Variants in ADAMTSL1 observed in about 807,000 individuals in gnomAD.
ADAMTSL1 encodes the protein ADAMTS like 1.
In ADAMTSL1, 126 loss-of-function variants were observed where a neutral mutation model predicts 201.8. That is an observed-to-expected ratio of 0.62 (90% CI 0.54 to 0.72). The LOEUF (loss-of-function observed/expected upper bound fraction) is 0.72. Among genes scored for constraint, ADAMTSL1 ranks in the 30% least tolerant of loss-of-function variants. ADAMTSL1 has a pLI of 0.00. For synonymous variants in ADAMTSL1, 1,121 were observed against 903.4 expected, an observed-to-expected ratio of 1.24 and a Z score of -4.32; for missense variants, 2,679 against 2,277.8, an observed-to-expected ratio of 1.18 and a Z score of -3.59.
At chr9:18,116,745 T>C (rs1203587846) in intron 1 of ADAMTSL1, among the ~76,000 whole-genome samples, 2 of 152,246 alleles carry the variant, frequency 1.3e-5, no homozygotes, top group East Asian at 3.8e-4. Context: ...CTTTAAGTTT[T>C]AGGGTACATG....
chr9:17,996,737 C>T (rs867529426), intron 1 of ADAMTSL1, among the ~76,000 whole-genome samples: 1 of 152,142 alleles, frequency 6.6e-6, no homozygotes, highest in African/African-American at 2.4e-5. Context: ...TCTTCTAGAT[C>T]TTTGTGCTCC....
At chr9:18,629,233 C>T (rs1826586356) in intron 5 of ADAMTSL1, among the ~76,000 whole-genome samples, 1 of 148,126 alleles carries the variant, frequency 6.8e-6, no homozygotes, top group Non-Finnish European at 1.5e-5. Flanking sequence ...ATTTGTAAGC[C>T]ACTTTTTTTT....
chr9:18,171,482 A>G (rs1433084183), intron 2 of ADAMTSL1, among the ~76,000 whole-genome samples: 1 of 152,134 alleles, frequency 6.6e-6, no homozygotes, highest in Non-Finnish European at 1.5e-5. Context: ...TAAACAAGGT[A>G]AAAGGACAAG....
intron 23 of ADAMTSL1, among the ~76,000 whole-genome samples, chr9:18,843,428 T>C (rs1202039701): frequency 6.6e-6 from 1 of 150,968 alleles, no homozygotes; most frequent in African/African-American, 2.5e-5. Flanking sequence ...GGGCTTCCCT[T>C]TGTGGGTAAC....
At chr9:18,899,907 A>C (rs1370949866) in intron 26 of ADAMTSL1, among the ~76,000 whole-genome samples, 1 of 152,260 alleles carries the variant, frequency 6.6e-6, no homozygotes, top group African/African-American at 2.4e-5. Context: ...TAGATGCCAA[A>C]AGCAATTGCA....
At chr9:18,489,790 A>G (rs1309641270) in intron 1 of ADAMTSL1, among the ~76,000 whole-genome samples, 2 of 152,190 alleles carry the variant, frequency 1.3e-5, no homozygotes, top group Non-Finnish European at 1.5e-5. Context: ...CGACTTACCC[A>G]ACTGTATACC....
At chr9:18,314,852 A>G (rs1387397450) in intron 2 of ADAMTSL1, among the ~76,000 whole-genome samples, 1 of 116,208 alleles carries the variant, frequency 8.6e-6, no homozygotes, top group Non-Finnish European at 1.6e-5. Flanking sequence ...GCTGGAGTGC[A>G]GTGGCGCGAT....
At chr9:18,901,198 C>CAAGA (rs774409578) in intron 26 of ADAMTSL1, among the ~76,000 whole-genome samples, 22 of 150,638 alleles carry the variant, frequency 1.5e-4, no homozygotes, top group Non-Finnish European at 2.8e-4. Context: ...AACTATTAAC[C>CAAGA]AAGAATTATC....
At chr9:18,061,968 T>C (rs1822477761) in intron 1 of ADAMTSL1, among the ~76,000 whole-genome samples, 1 of 152,216 alleles carries the variant, frequency 6.6e-6, no homozygotes, top group Admixed American at 6.5e-5. Context: ...TGTTTTGTCA[T>C]TTACTTGGAG....
chr9:18,677,360 T>C (rs945687061), intron 10 of ADAMTSL1, among the ~76,000 whole-genome samples: 1 of 152,016 alleles, frequency 6.6e-6, no homozygotes, highest in Non-Finnish European at 1.5e-5. Flanking sequence ...GAAAAAATAA[T>C]GAAATAGCAA....
chr9:18,040,545 A>G (rs1432469468), intron 1 of ADAMTSL1, among the ~76,000 whole-genome samples: 1 of 152,222 alleles, frequency 6.6e-6, no homozygotes, highest in African/African-American at 2.4e-5. Flanking sequence ...TGTGCATAGT[A>G]GAGCTTGAGC....
At chr9:18,818,210 C>G (rs945971163) in intron 21 of ADAMTSL1, among the ~76,000 whole-genome samples, 3 of 152,120 alleles carry the variant, frequency 2.0e-5, no homozygotes, top group Admixed American at 2.0e-4. Context: ...GGCAACTAGT[C>G]TTCTGATTGC....
chr9:18,817,178 T>G lies in ADAMTSL1; in HGVS notation c.3875T>G (p.Ile1292Arg). The G allele has an allele frequency of 6.3e-7, 1 of 1,583,724 alleles. No individual in the cohort carries two copies. The highest frequency in any genetic ancestry group is 8.6e-7 in the Non-Finnish European group (1 of 1,164,136). ...NTEKPAVTVD[I>R]GSTIKTVQGV... ...GAGAAGCCTGCAGTCACAGTCGATA[T>G]AGGAAGCACCATCAAAACAGTGCAG... The change falls in exon 21 of 29, where the codon ATA becomes AGA. Residue 1292 changes from isoleucine (I) to arginine (R), a missense_variant. Transcript: ENST00000380548.
intron 2 of ADAMTSL1, among the ~76,000 whole-genome samples, chr9:18,359,157 G>T (rs922014073): frequency 6.6e-6 from 1 of 152,018 alleles, no homozygotes; most frequent in African/African-American, 2.4e-5. Context: ...GCACATGCTG[G>T]GCTGAAGTGA....
At chr9:18,678,385 T>C (rs1359135394) in intron 10 of ADAMTSL1, among the ~76,000 whole-genome samples, 1 of 152,164 alleles carries the variant, frequency 6.6e-6, no homozygotes, top group African/African-American at 2.4e-5. Context: ...TACACAAACA[T>C]GTTTTACTTC....
intron 1 of ADAMTSL1, among the ~76,000 whole-genome samples, chr9:17,940,277 G>T (rs1827185453): frequency 6.6e-6 from 1 of 152,216 alleles, no homozygotes; most frequent in South Asian, 2.1e-4. Context: ...TTTGAGAAAA[G>T]ACAACTGCAG....
chr9:18,697,435 A>G (rs960857681), intron 13 of ADAMTSL1, among the ~76,000 whole-genome samples: 1 of 152,186 alleles, frequency 6.6e-6, no homozygotes, highest in African/African-American at 2.4e-5. Flanking sequence ...TCCTAATTCC[A>G]TAGAACAAGA....
At chr9:18,183,460 T>A (rs1453104881) in intron 2 of ADAMTSL1, among the ~76,000 whole-genome samples, 1 of 152,146 alleles carries the variant, frequency 6.6e-6, no homozygotes, top group Non-Finnish European at 1.5e-5. Flanking sequence ...TGGGAGAAAG[T>A]ATTTGCAGAA....
chr9:18,180,307 G>A (rs1274780563), intron 2 of ADAMTSL1, among the ~76,000 whole-genome samples: 2 of 152,152 alleles, frequency 1.3e-5, no homozygotes, highest in African/African-American at 2.4e-5. Flanking sequence ...GCTGAGGCGG[G>A]CGGATCACGA....
Sources: allele counts gnomAD v4.1 joint callset (sites outside exome capture counted in the v4.1 genomes callset), GRCh38; gene constraint gnomAD v4.1.1; transcripts MANE v1.5; gene names NCBI Gene and HGNC (gene_info 2026-07-23, HGNC 2026-07-21).